FAM114A1: variants seen among roughly 807,000 people sequenced by gnomAD.
FAM114A1 encodes the protein protein NOXP20.
Under a neutral mutation model 64.3 loss-of-function variants are expected in FAM114A1, and 62 were observed. The ratio of observed to expected loss-of-function variants is 0.96; its 90% CI spans 0.79 to 1.19. The LOEUF (loss-of-function observed/expected upper bound fraction) is 1.19. FAM114A1 is among the 50% of genes most tolerant of loss of function. The pLI is 0.00. For synonymous variants in FAM114A1, 254 were observed against 251.1 expected, an observed-to-expected ratio of 1.01 and a Z score of -0.11; for missense variants, 645 against 676.3, an observed-to-expected ratio of 0.95 and a Z score of 0.51.
At chr4:38,875,339 A>T (rs1714507300) in intron 2 of FAM114A1, among the ~76,000 whole-genome samples, 1 of 151,832 alleles carries the variant, frequency 6.6e-6, no homozygotes, top group Non-Finnish European at 1.5e-5. Context: ...GTCATCTCTG[A>T]TTTCTTTGAG....
intron 8 of FAM114A1, among the ~76,000 whole-genome samples, chr4:38,915,744 G>GGTGTGTGTGTGTGT (rs58018099): frequency 7.2e-6 from 1 of 139,114 alleles, no homozygotes; most frequent in East Asian, 2.1e-4. Flanking sequence ...CATCTATAGT[G>GGTGTGTGTGTGTGT]GTGTGTGTGT....
At chr4:38,939,785 G>A (rs1316819809) in intron 13 of FAM114A1, among the ~76,000 whole-genome samples, 1 of 151,864 alleles carries the variant, frequency 6.6e-6, no homozygotes, top group Admixed American at 6.6e-5. Flanking sequence ...ATGGTTTATG[G>A]TCTAAGAGTA....
At chr4:38,908,798 A>C in intron 7 of FAM114A1, 72 bp downstream of exon 7, 1 of 1,382,412 alleles carries the variant, frequency 7.2e-7, no homozygotes, top group Non-Finnish European at 9.7e-7. Context: ...TATCTTTTTG[A>C]ATAGCTCATT....
intron 6 of FAM114A1, among the ~76,000 whole-genome samples, chr4:38,907,194 A>G (rs1357768734): frequency 2.6e-5 from 4 of 152,208 alleles, no homozygotes; most frequent in African/African-American, 9.6e-5. Flanking sequence ...AAGGAGGAGC[A>G]GCAAATCTGT....
In FAM114A1 at chr4:38,905,867, T is replaced by C; in HGVS notation, c.657+6T>C. The C allele has an allele frequency of 6.2e-7, 1 of 1,605,332 alleles. No homozygotes were observed. The highest frequency in any genetic ancestry group is 8.5e-7 in the Non-Finnish European group (1 of 1,177,442). The stretch of plus-strand genomic sequence containing the variant: ...CCAATGTGGTTCAAAACACAGTGAG[T>C]CGCTGGCTGCTTCCTCTCTTTCCCC... On this transcript the variant is annotated splice_donor_region_variant and intron_variant, in intron 6 of 14. Coordinates refer to ENST00000358869, the MANE Select transcript of FAM114A1 (RefSeq NM_138389.4).
chr4:38,873,687 A>G (rs1158796462), intron 2 of FAM114A1, among the ~76,000 whole-genome samples: 1 of 152,188 alleles, frequency 6.6e-6, no homozygotes, highest in East Asian at 1.9e-4. Context: ...AGAACAACAT[A>G]TGGAACTAAC....
chr4:38,897,521 G>A lies in FAM114A1; in HGVS notation c.436+5691G>A, dbSNP rs188810578. Among the ~76,000 whole-genome samples the A allele has an allele frequency of 5.9e-4, 90 of 152,276 alleles. No homozygotes were observed. In the Middle Eastern group the frequency reaches 0.044, roughly 75 times the overall value. ...ACATTTTTCAGCCAACAATTATTTT[G>A]GAGAGGACTTAACTCTTGCATTAGG... On this transcript the variant is annotated intron_variant, in intron 4 of 14. Coordinates refer to ENST00000358869, the MANE Select transcript of FAM114A1 (RefSeq NM_138389.4).
chr4:38,932,163 T>C, intron 11 of FAM114A1, 72 bp from the exon 12 acceptor site: 1 of 1,494,474 alleles, frequency 6.7e-7, no homozygotes, highest in South Asian at 1.3e-5. Flanking sequence ...ATATCACTTC[T>C]AATGTCACAG....
At chr4:38,936,122 T>G (rs1351903828) in intron 13 of FAM114A1, among the ~76,000 whole-genome samples, 1 of 151,900 alleles carries the variant, frequency 6.6e-6, no homozygotes, top group Non-Finnish European at 1.5e-5. Flanking sequence ...AGACGGAGTT[T>G]TGCTCTGGTG....
intron 4 of FAM114A1, among the ~76,000 whole-genome samples, chr4:38,897,248 G>C (rs141896145): frequency 1.3e-5 from 2 of 152,244 alleles, no homozygotes; most frequent in African/African-American, 4.8e-5. Flanking sequence ...GGAAAAACGT[G>C]GGTGAAAAAA....
At chr4:38,873,631 A>G (rs1466729633) in intron 2 of FAM114A1, among the ~76,000 whole-genome samples, 1 of 152,220 alleles carries the variant, frequency 6.6e-6, no homozygotes, top group African/African-American at 2.4e-5. Context: ...TGGAGGAACA[A>G]AGAATGGAGG....
At chr4:38,879,717 T>TA (rs931644711) in intron 3 of FAM114A1, among the ~76,000 whole-genome samples, 16 of 138,134 alleles carry the variant, frequency 1.2e-4, no homozygotes, top group African/African-American at 3.3e-4. Context: ...TCAGATAGGG[T>TA]AAACATAACA....
At chr4:38,938,557 GCA>G (rs1721299066) in intron 13 of FAM114A1, 1 of 152,206 alleles carries the variant, frequency 6.6e-6, no homozygotes, top group South Asian at 2.1e-4. Context: ...AAATGCATTT[GCA>G]CCCTCGTGTG....
chr4:38,943,398 T>C lies in FAM114A1; in HGVS notation c.1591-58T>C, dbSNP rs1579428355. On this transcript the variant is annotated intron_variant, in intron 14 of 14. Transcript: ENST00000358869. ...AGTGGGAACATTATCCAATTGGAAG[T>C]ATTGTCAAGGTTGAACTATGAAAAT... The C allele has an allele frequency of 4.3e-6, 6 of 1,399,190 alleles. No individual in the cohort carries two copies. The East Asian group carries it at 6.9e-5, about 16-fold the overall frequency. 86.7% of individuals were successfully genotyped at this position (1,399,190 alleles called of 1,614,324 possible).
At chr4:38,902,461 A>G (rs1182781070) in intron 4 of FAM114A1, among the ~76,000 whole-genome samples, 1 of 152,172 alleles carries the variant, frequency 6.6e-6, no homozygotes, top group Non-Finnish European at 1.5e-5. Context: ...TACACAGCTC[A>G]TAAATGATGG....
intron 9 of FAM114A1, among the ~76,000 whole-genome samples, chr4:38,926,458 T>G (rs773677726): frequency 7.1e-6 from 1 of 140,640 alleles, no homozygotes; most frequent in Non-Finnish European, 1.5e-5. Context: ...CTCTCTCCCC[T>G]TTTTTTTTTT....
At position 38,909,837 on chromosome 4, in the gene FAM114A1, C is replaced by T. The variant is rs1357568625; in HGVS notation, c.792+1111C>T. Among the ~76,000 whole-genome samples the T allele has an allele frequency of 7.2e-5, 11 of 152,204 alleles. No homozygotes were observed. In the South Asian group the frequency reaches 1.2e-3, roughly 17 times the overall value. The stretch of plus-strand genomic sequence containing the variant: ...AAGCTTTTGTTTTAGGCTATTTCTT[C>T]TTGTCTCTTCTGGAATAACCCAAGT... On this transcript the variant is annotated intron_variant, in intron 7 of 14. Coordinates refer to ENST00000358869, the MANE Select transcript of FAM114A1 (RefSeq NM_138389.4).
intron 2 of FAM114A1, among the ~76,000 whole-genome samples, chr4:38,873,454 A>C (rs914829005): frequency 1.3e-5 from 2 of 152,216 alleles, no homozygotes; most frequent in Admixed American, 1.3e-4. Context: ...AAGCCATGCC[A>C]AGTACTATGT....
At chr4:38,930,212 CT>C (rs1720516047) in intron 10 of FAM114A1, among the ~76,000 whole-genome samples, 1 of 152,160 alleles carries the variant, frequency 6.6e-6, no homozygotes, top group Non-Finnish European at 1.5e-5. Context: ...AGTACAAGGT[CT>C]TGCTGTGAAG....
Sources: allele counts gnomAD v4.1 joint callset (sites outside exome capture counted in the v4.1 genomes callset), GRCh38; gene constraint gnomAD v4.1.1; transcripts MANE v1.5; gene names NCBI Gene and HGNC (gene_info 2026-07-23, HGNC 2026-07-21).